The following SNRPN variants were observed in gnomAD, a reference collection of about 807,000 sequenced individuals.
SNRPN encodes small nuclear ribonucleoprotein-associated protein N.
SNRPN carries 7 observed loss-of-function variants against 25.2 expected under a neutral mutation model. That is an observed-to-expected ratio of 0.28 (90% CI 0.16 to 0.52). SNRPN has a LOEUF of 0.52. Among genes scored for constraint, SNRPN ranks in the 20% least tolerant of loss-of-function variants. SNRPN has a pLI of 0.96. For synonymous variants in SNRPN, 124 were observed against 110.6 expected (o/e 1.12, Z -0.76); for missense variants, 196 against 322.5 (o/e 0.61, Z 3.00).
At chr15:24,962,056 T>A in intron 1 of SNRPN, 58 bp from the exon 2 acceptor site, 2 of 1,339,470 alleles carry the variant, frequency 1.5e-6, no homozygotes, top group Non-Finnish European at 2.2e-6. Context: ...CCTTGACAAA[T>A]AGTTATTTCA....
At chr15:24,951,291 G>A (rs1596110262), upstream of SNRPN, among the ~76,000 whole-genome samples, 1 of 152,098 alleles carries the variant, frequency 6.6e-6, no homozygotes, top group South Asian at 2.1e-4. Context: ...AATCAGCAGT[G>A]TTAGAGGGTT....
intron 2 of SNRPN, among the ~76,000 whole-genome samples, chr15:24,836,167 C>G (rs1232416888): frequency 2.6e-5 from 4 of 152,024 alleles, no homozygotes; most frequent in Non-Finnish European, 4.4e-5. Context: ...GCTTGCACAT[C>G]CCTGGTTCTC....
chr15:24,952,281 T>C (rs2153224571), upstream of SNRPN, among the ~76,000 whole-genome samples: 1 of 152,294 alleles, frequency 6.6e-6, no homozygotes, highest in Non-Finnish European at 1.5e-5. Flanking sequence ...CTAGTCTCCT[T>C]TGTCTATTCT....
chr15:24,910,709 G>A (rs149353947), intron 2 of SNRPN, among the ~76,000 whole-genome samples: 2 of 152,050 alleles, frequency 1.3e-5, no homozygotes, highest in Non-Finnish European at 2.9e-5. Context: ...TGGCCAGGCT[G>A]GTCTCGAACT....
chr15:24,877,661 A>AACAC (rs72120147), intron 1 of SNRPN, among the ~76,000 whole-genome samples: 260 of 144,756 alleles, frequency 1.8e-3, no homozygotes, highest in South Asian at 0.01. Context: ...ATCTCTACAA[A>AACAC]ACACACACAC....
rs1490995911 is a variant in SNRPN, at chr15:24,848,213, G to GGGGGGC, written c.-579+18317_-579+18322dup. On this transcript the variant is annotated intron_variant, in intron 2 of 12. Transcript: ENST00000400100. ...TGTGGGAAGGTCACAGGACGGAGCT[G>GGGGGGC]GGGGGCGGGGGCGGCGGTGGGGGCG... 1.3e-3 allele frequency: 145 copies of GGGGGGC among 110,952 alleles called. 2 individuals carry two copies. The East Asian group carries it at 0.023, about 18-fold the overall frequency. The allele number at this position is 110,952 out of a possible 1,614,324, so 6.9% of individuals were successfully genotyped here. A position where few individuals can be genotyped will look rare whatever the true frequency, so the allele number is the denominator to read the frequency against.
intron 2 of SNRPN, among the ~76,000 whole-genome samples, chr15:24,842,441 C>T (rs1456651970): frequency 6.6e-6 from 1 of 152,166 alleles, no homozygotes. Flanking sequence ...GCCTAGGCTC[C>T]ATTCTGAGCT....
intron 1 of SNRPN, among the ~76,000 whole-genome samples, chr15:24,955,814 TGGC>T (rs1443022994): frequency 6.7e-6 from 1 of 149,078 alleles, no homozygotes; most frequent in East Asian, 2.0e-4. Context: ...TGGTGGACTT[TGGC>T]GGCGGTAGGC....
At position 24,937,745 on chromosome 15, in the gene SNRPN, C is replaced by T. The variant is rs1287377433; in HGVS notation, c.-391+17621C>T. On this transcript the variant is annotated intron_variant, in intron 3 of 11. Coordinates refer to the SNRPN transcript ENST00000400097. ...TTTTGTCTTACAAAACTGAAAATTG[C>T]CCATTAAATAATAACTCCGTTTCCT... is the stretch of plus-strand genomic sequence containing the variant. Among the ~76,000 whole-genome samples, 4 of 152,110 alleles carry T rather than the reference C, an allele frequency of 2.6e-5. No homozygotes were observed. In the East Asian group the frequency reaches 7.7e-4, roughly 29 times the overall value.
chr15:24,896,396 G>A (rs971685088), intron 2 of SNRPN, among the ~76,000 whole-genome samples: 1 of 152,160 alleles, frequency 6.6e-6, no homozygotes. Context: ...TGTAATTAAA[G>A]AAATCAGTTG....
intron 2 of SNRPN, among the ~76,000 whole-genome samples, chr15:24,835,770 C>G (rs1228690332): frequency 6.6e-6 from 1 of 152,126 alleles, no homozygotes; most frequent in Non-Finnish European, 1.5e-5. Context: ...GAGTATGTTA[C>G]TAATCCAGAG....
rs897116035 is a variant in SNRPN at position 24,825,264 on chromosome 15, C to T, written c.-687+1414C>T. ...TCATTCTTTTATTGTATTATGACCT[C>T]GCGCCATTGACCTTAAATTTCACTA... On this transcript the variant is annotated intron_variant, in intron 1 of 12. Coordinates refer to the SNRPN transcript ENST00000400100. 7.4e-5 allele frequency among the ~76,000 whole-genome samples: 11 copies of T among 149,484 alleles called. 1 individual carries two copies. The highest frequency in any genetic ancestry group is 1.9e-4 in the African/African-American group (8 of 41,048).
At chr15:24,968,948 C>CT (rs1424251066) in intron 3 of SNRPN, 5 of 151,402 alleles carry the variant, frequency 3.3e-5, no homozygotes, top group Admixed American at 2.0e-4. Context: ...TTTTTTTCTA[C>CT]TTTAAGTTTT....
intron 2 of SNRPN, chr15:24,829,999 G>T (rs1028387600): frequency 2.6e-5 from 4 of 152,100 alleles, no homozygotes; most frequent in African/African-American, 7.3e-5. Context: ...GGGTGTTGAT[G>T]AAATTATTCT....
At chr15:24,966,513 T>C (rs981885477) in intron 2 of SNRPN, among the ~76,000 whole-genome samples, 1 of 152,140 alleles carries the variant, frequency 6.6e-6, no homozygotes, top group Non-Finnish European at 1.5e-5. Context: ...TCTCCTGCCC[T>C]CCCAGGAGGG....
At chr15:24,945,914 G>GGCTGGAACATGTTGGCTGCTTT (rs1278423024) in intron 3 of SNRPN, among the ~76,000 whole-genome samples, 2 of 152,178 alleles carry the variant, frequency 1.3e-5, no homozygotes, top group African/African-American at 4.8e-5. Context: ...GTAGGCAAAA[G>GGCTGGAACATGTTGGCTGCTTT]GCTGGAACAT....
chr15:24,884,828 G>T (rs1252489141), intron 1 of SNRPN, among the ~76,000 whole-genome samples: 2 of 152,112 alleles, frequency 1.3e-5, no homozygotes, highest in Non-Finnish European at 2.9e-5. Context: ...AAGGGGCCCT[G>T]ACCCAGACCC....
intron 3 of SNRPN, among the ~76,000 whole-genome samples, chr15:24,941,442 A>T (rs1182215738): frequency 3.3e-5 from 5 of 152,218 alleles, no homozygotes; most frequent in African/African-American, 4.8e-5. Flanking sequence ...CATTGTCCTC[A>T]GCAAGCACCA....
intron 1 of SNRPN, among the ~76,000 whole-genome samples, chr15:24,878,951 A>T (rs1024062): frequency 0.27 from 41,694 of 151,838 alleles, 6,050 homozygotes; most frequent in East Asian, 0.36. Flanking sequence ...CGAAACCCAG[A>T]GTTTTAGTAT....
Sources: allele counts gnomAD v4.1 joint callset (sites outside exome capture counted in the v4.1 genomes callset), GRCh38; gene constraint gnomAD v4.1.1; transcripts MANE v1.5; gene names NCBI Gene and HGNC (gene_info 2026-07-23, HGNC 2026-07-21).